Variants in ARNT2 observed in about 807,000 individuals in gnomAD.
ARNT2 encodes aryl hydrocarbon receptor nuclear translocator 2.
A neutral mutation model predicts 91.7 loss-of-function variants in ARNT2; 36 were observed. That is an observed-to-expected ratio of 0.39 (90% CI 0.30 to 0.52). The LOEUF is 0.52. ARNT2 is among the 20% of genes least tolerant of loss of function. The probability of loss-of-function intolerance (pLI) is 0.72; values close to 1 mark genes in which losing one functional copy is unlikely to be tolerated. For missense variants in ARNT2, 775 were observed against 939.3 expected, an observed-to-expected ratio of 0.83 and a Z score of 2.29; for synonymous variants, 365 against 347.1, an observed-to-expected ratio of 1.05 and a Z score of -0.57.
chr15:80,583,382 A>G (rs1323804023), intron 17 of ARNT2, among the ~76,000 whole-genome samples: 1 of 152,222 alleles, frequency 6.6e-6, no homozygotes, highest in African/African-American at 2.4e-5. Context: ...TCTAGTCTCC[A>G]CTAAACAAAT....
intron 8 of ARNT2, among the ~76,000 whole-genome samples, chr15:80,543,267 A>G (rs770617174): frequency 2.6e-5 from 4 of 152,120 alleles, no homozygotes; most frequent in Non-Finnish European, 4.4e-5. Context: ...GCATCCCATA[A>G]GGTGAGCATT....
intron 10 of ARNT2, chr15:80,554,819 G>T: frequency 2.3e-6 from 1 of 428,278 alleles, no homozygotes; most frequent in Non-Finnish European, 4.2e-6. Flanking sequence ...AGCTACTGAT[G>T]TAGTGCCTTA....
At chr15:80,460,407 AG>A (rs1896535540) in intron 3 of ARNT2, among the ~76,000 whole-genome samples, 2 of 152,252 alleles carry the variant, frequency 1.3e-5, no homozygotes, top group African/African-American at 4.8e-5. Flanking sequence ...ACAAAGTAGT[AG>A]ATGTGAAGCT....
At chr15:80,499,998 G>A (rs2141417706) in intron 5 of ARNT2, among the ~76,000 whole-genome samples, 1 of 152,298 alleles carries the variant, frequency 6.6e-6, no homozygotes, top group South Asian at 2.1e-4. Flanking sequence ...GTGAATTGAT[G>A]TGTTTGTGCC....
At chr15:80,561,877 G>A (rs2141466125) in intron 11 of ARNT2, among the ~76,000 whole-genome samples, 1 of 152,226 alleles carries the variant, frequency 6.6e-6, no homozygotes, top group East Asian at 1.9e-4. Flanking sequence ...TGGTACAATT[G>A]TTCTATTTTA....
chr15:80,565,536 TTG>T (rs1596017343), intron 12 of ARNT2, among the ~76,000 whole-genome samples: 1 of 131,740 alleles, frequency 7.6e-6, no homozygotes, highest in East Asian at 3.7e-4. Context: ...GTTTTTGTTA[TTG>T]TTTTTTTTTT....
chr15:80,480,639 G>C (rs957295538), intron 5 of ARNT2, among the ~76,000 whole-genome samples: 1 of 152,166 alleles, frequency 6.6e-6, no homozygotes, highest in African/African-American at 2.4e-5. Context: ...CCTGCATTCA[G>C]AGAATTGGGT....
Position 80,593,737 on chromosome 15 carries a change from C to T in ARNT2, c.*39C>T, listed in dbSNP as rs536792430. ...GAGGCTCCTGCTGTACAGTGCCACC[C>T]ATACTGTGATGTCGATGCCCATGTG... On this transcript the variant is annotated 3_prime_UTR_variant, in exon 19 of 19. Coordinates refer to ENST00000303329, the MANE Select transcript of ARNT2 (RefSeq NM_014862.4). 87 of 1,538,778 alleles carry T rather than the reference C, an allele frequency of 5.7e-5. No homozygotes were observed. Among genetic ancestry groups the T allele is most frequent in the Non-Finnish European group, 7.4e-5 (83 of 1,127,012 alleles).
intron 8 of ARNT2, among the ~76,000 whole-genome samples, chr15:80,540,357 G>T (rs1014551710): frequency 6.6e-6 from 1 of 152,172 alleles, no homozygotes; most frequent in African/African-American, 2.4e-5. Flanking sequence ...ATCTTAATGG[G>T]TGTGAAGAGG....
intron 8 of ARNT2, among the ~76,000 whole-genome samples, chr15:80,527,778 A>AC (rs1950474062): frequency 6.6e-6 from 1 of 152,212 alleles, no homozygotes; most frequent in African/African-American, 2.4e-5. Flanking sequence ...TGATGCCCTT[A>AC]CCATAATTTT....
In ARNT2 at chr15:80,497,825, A is replaced by G. The variant is rs1484660432; in HGVS notation, c.623-10331A>G. On this transcript the variant is annotated intron_variant, in intron 5 of 18. Coordinates refer to ENST00000303329, the MANE Select transcript of ARNT2 (RefSeq NM_014862.4). ...TATAAGTATATTCTTCCTGAGGAAA[A>G]CACTTTACTCAGCAAGTGAGGAAGA... is the stretch of plus-strand genomic sequence containing the variant. Among the ~76,000 whole-genome samples, 5 of 152,324 alleles carry G rather than the reference A, an allele frequency of 3.3e-5. No homozygotes were observed. In the Middle Eastern group the frequency reaches 0.01, roughly 311 times the overall value.
At chr15:80,443,943 T>G (rs1446995064) in intron 1 of ARNT2, among the ~76,000 whole-genome samples, 1 of 152,206 alleles carries the variant, frequency 6.6e-6, no homozygotes, top group Non-Finnish European at 1.5e-5. Flanking sequence ...TACTTTTCCT[T>G]GTGTAATGGA....
At chr15:80,562,233 G>T (rs745748384) in intron 11 of ARNT2, among the ~76,000 whole-genome samples, 1 of 151,980 alleles carries the variant, frequency 6.6e-6, no homozygotes, top group Non-Finnish European at 1.5e-5. Flanking sequence ...GGGCCTGGCT[G>T]GTTTTCGTAT....
intron 8 of ARNT2, among the ~76,000 whole-genome samples, chr15:80,525,601 ATCAC>A (rs1246738221): frequency 6.6e-6 from 1 of 152,152 alleles, no homozygotes; most frequent in African/African-American, 2.4e-5. Flanking sequence ...AGACAAAGAA[ATCAC>A]TCACTTTGAG....
chr15:80,571,552 C>T (rs1166649556), intron 12 of ARNT2, among the ~76,000 whole-genome samples: 2 of 152,156 alleles, frequency 1.3e-5, no homozygotes, highest in African/African-American at 4.8e-5. Flanking sequence ...AATGGGATCC[C>T]TTGATCTCTG....
intron 4 of ARNT2, 122 bp from the exon 5 acceptor site, chr15:80,474,888 A>G (rs1896777879): frequency 4.8e-6 from 5 of 1,040,964 alleles, no homozygotes; most frequent in Non-Finnish European, 5.7e-6. Flanking sequence ...CATTTCCCAA[A>G]CTATTTGTGT....
At chr15:80,460,195 G>C (rs965151389) in intron 3 of ARNT2, among the ~76,000 whole-genome samples, 2 of 152,222 alleles carry the variant, frequency 1.3e-5, no homozygotes, top group African/African-American at 2.4e-5. Flanking sequence ...CATGGTTTCT[G>C]TCTCCTGTGT....
chr15:80,415,305 T>C (rs972464991), intron 1 of ARNT2, among the ~76,000 whole-genome samples: 3 of 152,262 alleles, frequency 2.0e-5, no homozygotes, highest in Non-Finnish European at 4.4e-5. Flanking sequence ...TAATTGCTTA[T>C]CCACCTAATT....
At chr15:80,461,806 G>A (rs1008013670) in intron 3 of ARNT2, among the ~76,000 whole-genome samples, 4 of 152,178 alleles carry the variant, frequency 2.6e-5, no homozygotes, top group African/African-American at 9.7e-5. Context: ...AAGTCGCAGA[G>A]CCAGCCTTTC....
Sources: gnomAD v4.1 joint callset for allele counts (sites outside exome capture counted in the v4.1 genomes callset) on GRCh38, gnomAD v4.1.1 for gene constraint, MANE v1.5 for transcripts, NCBI Gene and HGNC (gene_info 2026-07-23, HGNC 2026-07-21) for gene names.